Variants in CEP170 observed in about 807,000 individuals in gnomAD.
CEP170 encodes the protein centrosomal protein 170.
Under a neutral mutation model 151.9 loss-of-function variants are expected in CEP170, and 21 were observed. That is an observed-to-expected ratio of 0.14 (90% CI 0.10 to 0.20). CEP170 has a LOEUF of 0.20. Ranked by LOEUF, CEP170 falls within the 10% of genes least tolerant of loss-of-function variation. CEP170 has a pLI of 1.00. For missense variants in CEP170, 964 were observed against 1,892.9 expected (o/e 0.51, Z 9.11); for synonymous variants, 356 against 648.8 (o/e 0.55, Z 6.86).
chr1:243,128,039 C>T (rs1014001279), intron 19 of CEP170, among the ~76,000 whole-genome samples: 7 of 151,990 alleles, frequency 4.6e-5, no homozygotes, highest in African/African-American at 1.5e-4. Context: ...CTAAAATATG[C>T]CCAACATATA....
intron 1 of CEP170, among the ~76,000 whole-genome samples, chr1:243,253,871 C>G (rs774239853): frequency 6.6e-6 from 1 of 152,146 alleles, no homozygotes; most frequent in Non-Finnish European, 1.5e-5. Context: ...CCAAATTCCT[C>G]CCAAATGGCT....
intron 4 of CEP170, among the ~76,000 whole-genome samples, chr1:243,203,064 C>T (rs1254384973): frequency 6.6e-6 from 1 of 152,080 alleles, no homozygotes; most frequent in Non-Finnish European, 1.5e-5. Context: ...CGAAGAAGAC[C>T]TCAAGAAGCC....
In CEP170 at chr1:243,140,019, C is replaced by T. The variant is rs750853902; in HGVS notation, c.4148G>A (p.Arg1383Gln). Residue 1383 changes from arginine (R) to glutamine (Q), a missense_variant, in exon 16 of 20, where the codon CGA (arginine) becomes CAA (glutamine). By Grantham distance (43) the Arg-to-Gln change is conservative (BLOSUM62 1). Coordinates refer to ENST00000366542, the MANE Select transcript of CEP170 (RefSeq NM_014812.3). ...HSKTPEGNNG[R>Q]SGDPRPQAAE... ...TGCTTGAGGTCTTGGATCACCAGAT[C>T]GACCGTTGTTTCCTTCTGGTGTTTT... 44 of 1,613,820 alleles carry T rather than the reference C, an allele frequency of 2.7e-5. 1 individual carries two copies. The highest frequency in any genetic ancestry group is 1.8e-4 in the South Asian group (16 of 91,080).
chr1:243,156,756 T>C (rs1337616151), intron 13 of CEP170: 6 of 250,300 alleles, frequency 2.4e-5, no homozygotes, highest in Non-Finnish European at 4.5e-5. Flanking sequence ...GCAAGCTCTA[T>C]CCATCGATGT....
chr1:243,140,229 A>C, intron 15 of CEP170, 122 bp from the exon 16 acceptor site: 1 of 1,385,666 alleles, frequency 7.2e-7, no homozygotes, highest in Non-Finnish European at 9.6e-7. Context: ...CAGAGGCACA[A>C]CATCTTCAAT....
rs568719471 is a variant in CEP170, at chr1:243,189,285, G to A, written c.1108+1733C>T. On this transcript the variant is annotated intron_variant, in intron 8 of 19. Transcript: ENST00000366542. Reference sequence around the variant, plus strand: ...ATAATAGTCGATACAGGCCAGGCGCGGTGGCTCACGCCTGTAACCCCAGCA... The same window carrying A: ...ATAATAGTCGATACAGGCCAGGCGCAGTGGCTCACGCCTGTAACCCCAGCA... Among the ~76,000 whole-genome samples the A allele has an allele frequency of 8.2e-4, 125 of 152,194 alleles. No individual in the cohort carries two copies. In the South Asian group the frequency reaches 1.0e-2, roughly 12 times the overall value.
At chr1:243,239,326 C>G (rs2064577777) in intron 1 of CEP170, among the ~76,000 whole-genome samples, 1 of 152,166 alleles carries the variant, frequency 6.6e-6, no homozygotes, top group Admixed American at 6.5e-5. Flanking sequence ...GATTCCACAT[C>G]CTAAATATCT....
intron 13 of CEP170, among the ~76,000 whole-genome samples, chr1:243,159,159 T>A (rs1388068491): frequency 2.6e-5 from 4 of 152,108 alleles, no homozygotes; most frequent in Non-Finnish European, 5.9e-5. Context: ...TCTTTAAAAT[T>A]GAGGAGGAAA....
chr1:243,231,819 C>T (rs2149066514), intron 1 of CEP170, among the ~76,000 whole-genome samples: 1 of 152,158 alleles, frequency 6.6e-6, no homozygotes, highest in East Asian at 1.9e-4. Flanking sequence ...AGAATTAAAA[C>T]CATCTTTATG....
intron 1 of CEP170, among the ~76,000 whole-genome samples, chr1:243,242,220 T>C (rs1204388040): frequency 6.6e-6 from 1 of 152,106 alleles, no homozygotes; most frequent in African/African-American, 2.4e-5. Context: ...TGATGAGTTA[T>C]GTTCTTTTTT....
chr1:243,168,753 A>C (rs2148586535), intron 12 of CEP170, among the ~76,000 whole-genome samples: 1 of 151,924 alleles, frequency 6.6e-6, no homozygotes, highest in South Asian at 2.1e-4. Flanking sequence ...TTAGAAAACT[A>C]ATGAACAAAA....
intron 1 of CEP170, among the ~76,000 whole-genome samples, chr1:243,234,485 C>T: frequency 6.6e-6 from 1 of 152,180 alleles, no homozygotes; most frequent in East Asian, 1.9e-4. Flanking sequence ...ATACACTTCA[C>T]CTTACAAAAT....
rs1191198550 is a variant in CEP170, at chr1:243,125,104, T to C, written c.*1345A>G. On this transcript the variant is annotated 3_prime_UTR_variant, in exon 20 of 20. Transcript: ENST00000366542. ...ATTTCATAAAAGTTGCAGTTTAACC[T>C]TTATAGACTGATGGGGTCAAGGGGG... The C allele has an allele frequency of 1.3e-5, 2 of 152,126 alleles. No homozygotes were observed. The highest frequency in any genetic ancestry group is 1.5e-5 in the Non-Finnish European group (1 of 68,006). The allele number at this position is 152,126 out of a possible 1,614,324, so 9.4% of individuals were successfully genotyped here. A position where few individuals can be genotyped will look rare whatever the true frequency, so the allele number is the denominator to read the frequency against.
intron 1 of CEP170, among the ~76,000 whole-genome samples, chr1:243,236,796 T>C (rs2064294288): frequency 6.6e-6 from 1 of 152,052 alleles, no homozygotes; most frequent in Non-Finnish European, 1.5e-5. Flanking sequence ...GGAGTGACAA[T>C]GGGAGGAAAG....
rs542408248 is a variant in CEP170, at chr1:243,234,874, T to C, written c.-41-9553A>G. Among the ~76,000 whole-genome samples the C allele has an allele frequency of 2.6e-4, 39 of 152,358 alleles. No homozygotes were observed. The South Asian group carries it at 6.8e-3, about 27-fold the overall frequency. ...AAAAGCAAATGGTTTTATTCATAAT[T>C]GGTAGCATTTATTGACTACTTAATA... is the stretch of plus-strand genomic sequence containing the variant. On this transcript the variant is annotated intron_variant, in intron 1 of 19. Coordinates refer to ENST00000366542, the MANE Select transcript of CEP170 (RefSeq NM_014812.3).
chr1:243,165,869 G>C lies in CEP170; in HGVS notation c.2091C>G (p.Pro697=), dbSNP rs1435319128. 1.2e-6 allele frequency: 2 copies of C among 1,613,774 alleles called. No individual in the cohort carries two copies. Among genetic ancestry groups the C allele is most frequent in the African/African-American group, 2.7e-5 (2 of 74,920 alleles). ...TTACTGCCCTGTTCATTTTACTCAA[G>C]GGTCTGTCAGCATCTTGTTTATCTT... The part of the protein sequence containing the change: ...YQKDKQDADR[P]LSKMNRAVNG... The change falls in exon 13 of 20, where the codon CCC becomes CCG. Residue 697 remains proline, a synonymous_variant. Transcript: ENST00000366542.
intron 16 of CEP170, among the ~76,000 whole-genome samples, chr1:243,136,534 G>C (rs1431627971): frequency 6.6e-6 from 1 of 152,168 alleles, no homozygotes; most frequent in Non-Finnish European, 1.5e-5. Flanking sequence ...TTGTGATCCT[G>C]TCTCTCTTAC....
Position 243,137,017 on chromosome 1 carries a change from G to C in CEP170, c.4231-786C>G, listed in dbSNP as rs147154124. On this transcript the variant is annotated intron_variant, in intron 16 of 19. Transcript: ENST00000366542. The stretch of plus-strand genomic sequence containing the variant: ...TCACCAACCTCTGTAAAGAGCCAGA[G>C]GGTGAAGGTTTTAGTCTTTGAGGGA... Among the ~76,000 whole-genome samples the C allele has an allele frequency of 6.8e-3, 1,041 of 152,408 alleles. 15 individuals are homozygous for C. Among genetic ancestry groups the C allele is most frequent in the African/African-American group, 0.024 (986 of 41,600 alleles).
At chr1:243,218,964 C>T (rs543189644) in intron 3 of CEP170, among the ~76,000 whole-genome samples, 27 of 152,242 alleles carry the variant, frequency 1.8e-4, no homozygotes, top group Admixed American at 1.3e-4. Context: ...TAACCTGATA[C>T]TTAAAGTTCT....
Sources: allele counts gnomAD v4.1 joint callset (sites outside exome capture counted in the v4.1 genomes callset), GRCh38; gene constraint gnomAD v4.1.1; transcripts MANE v1.5; gene names NCBI Gene and HGNC (gene_info 2026-07-23, HGNC 2026-07-21).